The following CIAPIN1 variants were observed in gnomAD, a reference collection of about 807,000 sequenced individuals.
The protein encoded by CIAPIN1 is cytokine induced apoptosis inhibitor 1, also known as anamorsin.
CIAPIN1 carries 18 observed loss-of-function variants against 34.3 expected under a neutral mutation model. The ratio of observed to expected loss-of-function variants is 0.52; its 90% CI spans 0.36 to 0.78. The LOEUF is 0.78. Ranked by LOEUF, CIAPIN1 falls within the 30% of genes least tolerant of loss-of-function variation. The pLI is 0.00. For synonymous variants in CIAPIN1, 131 were observed against 140.4 expected, an observed-to-expected ratio of 0.93 and a Z score of 0.47; for missense variants, 310 against 372.5, an observed-to-expected ratio of 0.83 and a Z score of 1.38.
rs971285156 is a variant in CIAPIN1, at chr16:57,440,698, A to T, written c.157+74T>A. On this transcript the variant is annotated intron_variant, in intron 2 of 8. Coordinates refer to ENST00000394391, the MANE Select transcript of CIAPIN1 (RefSeq NM_020313.4). ...CACCCTAAATGAAAACTCAGATATC[A>T]AGGAACCACAGAAATGCAACACTCC... The T allele has an allele frequency of 1.1e-4, 157 of 1,483,982 alleles. No homozygotes were observed. The African/African-American group carries it at 2.0e-3, about 19-fold the overall frequency. 91.9% of individuals were successfully genotyped at this position (1,483,982 alleles called of 1,614,324 possible).
chr16:57,439,474 TAGTA>T (rs1483180773), intron 2 of CIAPIN1, 140 bp from the exon 3 acceptor site: 3 of 787,082 alleles, frequency 3.8e-6, no homozygotes, highest in Non-Finnish European at 6.1e-6. Flanking sequence ...GCTGGATGAA[TAGTA>T]AGTGTTTTAA....
At chr16:57,441,017 G>A (rs774520384) in intron 1 of CIAPIN1, 34 bp from the exon 2 acceptor site, 91 of 1,378,914 alleles carry the variant, frequency 6.6e-5, no homozygotes, top group Non-Finnish European at 9.0e-5. Context: ...TAATCTGTGA[G>A]ATATCATAAA....
Position 57,439,211 on chromosome 16 carries a change from A to AAAAGACATCC in CIAPIN1, c.271_280dup (p.Phe94TrpfsTer15). ...AGCTGTCTCTACTGGCTCCTTCAGA[A>AAAAGACATCC]AAAGACATCCACCAGGCCGAAGGAT... On this transcript the variant is annotated frameshift_variant, in exon 3 of 9. Coordinates refer to ENST00000394391, the MANE Select transcript of CIAPIN1 (RefSeq NM_020313.4). LOFTEE classifies it high-confidence loss of function. 1.2e-6 allele frequency: 2 copies of AAAAGACATCC among 1,614,118 alleles called. No individual in the cohort carries two copies. The highest frequency in any genetic ancestry group is 1.7e-6 in the Non-Finnish European group (2 of 1,180,048).
At position 57,430,290 on chromosome 16, in the gene CIAPIN1, T is replaced by A. The variant is rs576642106; in HGVS notation, c.796A>T (p.Met266Leu). ...CAAGCTGACTTGGGTTGGGAGCTCATCTGTTCCCTTGACTTCTCTTTTTCC... is the reference window on the plus strand; with the variant it reads ...CAAGCTGACTTGGGTTGGGAGCTCAACTGTTCCCTTGACTTCTCTTTTTCC... Reference protein sequence around the residue: ...ELEKEKSREQMSSQPKSACGN... With the variant: ...ELEKEKSREQLSSQPKSACGN... Residue 266 changes from methionine (M) to leucine (L), a missense_variant, in exon 8 of 9, where the codon ATG (methionine) becomes TTG (leucine). Transcript: ENST00000394391. 2.5e-6 allele frequency: 4 copies of A among 1,614,264 alleles called. No individual in the cohort carries two copies. In the Admixed American group the frequency reaches 6.7e-5, roughly 27 times the overall value.
chr16:57,435,376 T>C (rs562820360), intron 4 of CIAPIN1, among the ~76,000 whole-genome samples: 2 of 152,326 alleles, frequency 1.3e-5, no homozygotes, highest in South Asian at 4.1e-4. Flanking sequence ...AATTATTCAG[T>C]CTTAGGTATT....
rs536042144 is a variant in CIAPIN1 at position 57,429,020 on chromosome 16, C to T, written c.*150G>A. ...GCAGCACTACACACCACTGTGCCCC[C>T]CAGCCAGCTTCACTCTGTCTGCTAA... On this transcript the variant is annotated 3_prime_UTR_variant, in exon 9 of 9. Transcript: ENST00000394391. The T allele has an allele frequency of 3.2e-6, 2 of 628,708 alleles. No homozygotes were observed. Among genetic ancestry groups the T allele is most frequent in the Non-Finnish European group, 5.8e-6 (2 of 347,342 alleles). The allele number at this position is 628,708 out of a possible 1,614,324, so 38.9% of individuals were successfully genotyped here.
Position 57,429,113 on chromosome 16 carries a change from G to A in CIAPIN1, c.*57C>T, listed in dbSNP as rs1903019818. On this transcript the variant is annotated 3_prime_UTR_variant, in exon 9 of 9. Transcript: ENST00000394391. ...GGAGGTGGGAGGAGCCACCATGGTG[G>A]GATGTGAGGGACAGGAGTTGGCTGG... 15 of 1,186,798 alleles carry A rather than the reference G, an allele frequency of 1.3e-5. No individual in the cohort carries two copies. Among genetic ancestry groups the A allele is most frequent in the African/African-American group, 6.0e-5 (4 of 66,700 alleles). 73.5% of individuals were successfully genotyped at this position (1,186,798 alleles called of 1,614,324 possible).
intron 2 of CIAPIN1, among the ~76,000 whole-genome samples, chr16:57,439,909 C>A (rs895580336): frequency 6.6e-6 from 1 of 152,180 alleles, no homozygotes; most frequent in East Asian, 1.9e-4. Context: ...CATCTGCGCA[C>A]CTTGAAAAAA....
At chr16:57,440,094 G>C (rs147453591) in intron 2 of CIAPIN1, among the ~76,000 whole-genome samples, 1,955 of 152,190 alleles carry the variant, frequency 0.013, 16 homozygotes, top group Non-Finnish European at 0.02. Context: ...GCGTTCCTAG[G>C]GGGAGGTCTC....
chr16:57,435,858 C>T (rs1163855624), intron 4 of CIAPIN1, among the ~76,000 whole-genome samples: 1 of 151,416 alleles, frequency 6.6e-6, no homozygotes, highest in Admixed American at 6.6e-5. Flanking sequence ...AAATAACAGG[C>T]ACAACAGCTA....
chr16:57,447,293 G>A (rs1284827826), intron 1 of CIAPIN1, 49 bp downstream of exon 1: 2 of 401,878 alleles, frequency 5.0e-6, no homozygotes, highest in Admixed American at 4.4e-5. Context: ...GGGCCGGGAG[G>A]GGACAGTTGA....
intron 1 of CIAPIN1, among the ~76,000 whole-genome samples, chr16:57,444,561 C>T (rs2029979952): frequency 6.6e-6 from 1 of 152,208 alleles, no homozygotes; most frequent in East Asian, 1.9e-4. Flanking sequence ...GACAGTACTC[C>T]AGTGGGACTG....
chr16:57,429,514 T>C (rs1373326436), intron 8 of CIAPIN1, among the ~76,000 whole-genome samples: 6 of 152,064 alleles, frequency 3.9e-5, no homozygotes, highest in African/African-American at 7.2e-5. Flanking sequence ...GTTTTTGAGA[T>C]GGAGTCTCCC....
intron 3 of CIAPIN1, among the ~76,000 whole-genome samples, chr16:57,438,472 C>T (rs575214418): frequency 6.6e-6 from 1 of 152,312 alleles, no homozygotes; most frequent in South Asian, 2.1e-4. Context: ...TCGTCCCTCC[C>T]CACAGTTAAC....
At chr16:57,443,156 G>A (rs2029917441) in intron 1 of CIAPIN1, among the ~76,000 whole-genome samples, 3 of 148,780 alleles carry the variant, frequency 2.0e-5, no homozygotes, top group Admixed American at 2.0e-4. Flanking sequence ...TTTTGCGGGG[G>A]TGGTGGGGAG....
At chr16:57,431,742 C>G (rs1479243966) in intron 6 of CIAPIN1, among the ~76,000 whole-genome samples, 1 of 151,924 alleles carries the variant, frequency 6.6e-6, no homozygotes, top group Non-Finnish European at 1.5e-5. Context: ...GTCTGTAAAC[C>G]CTATGAGAGC....
At chr16:57,436,420 G>A (rs889061287) in intron 4 of CIAPIN1, among the ~76,000 whole-genome samples, 1 of 152,004 alleles carries the variant, frequency 6.6e-6, no homozygotes, top group Admixed American at 6.6e-5. Flanking sequence ...AGTAGAGACG[G>A]GGTTTCACTG....
Position 57,436,684 on chromosome 16 carries a change from G to A in CIAPIN1, c.359C>T (p.Thr120Ile), listed in dbSNP as rs1165360970. 4 of 1,614,036 alleles carry A rather than the reference G, an allele frequency of 2.5e-6. No homozygotes were observed. Among genetic ancestry groups the A allele is most frequent in the East Asian group, 4.5e-5 (2 of 44,892 alleles). ...KTASKLCSAL[T>I]LSGLVEVKEL... ...TTTCACTTCCACAAGACCAGAAAGA[G>A]TCAGGGCTGAACACAGCTTAGATGC... Residue 120 changes from threonine (T) to isoleucine (I), a missense_variant, in exon 4 of 9, where the codon ACT (threonine) becomes ATT (isoleucine). By Grantham distance (89) the Thr-to-Ile change is moderately conservative (BLOSUM62 -1). Coordinates refer to ENST00000394391, the MANE Select transcript of CIAPIN1 (RefSeq NM_020313.4).
intron 1 of CIAPIN1, among the ~76,000 whole-genome samples, chr16:57,446,399 G>T (rs1021017987): frequency 6.6e-6 from 1 of 152,162 alleles, no homozygotes; most frequent in East Asian, 1.9e-4. Flanking sequence ...ACCCGTGCAG[G>T]GGGGAGCCGG....
Sources: gnomAD v4.1 joint callset for allele counts (sites outside exome capture counted in the v4.1 genomes callset) on GRCh38, gnomAD v4.1.1 for gene constraint, MANE v1.5 for transcripts, NCBI Gene and HGNC (gene_info 2026-07-23, HGNC 2026-07-21) for gene names.